The following CUBN variants were observed in gnomAD, a reference collection of about 807,000 sequenced individuals.
The protein encoded by CUBN is 460 kDa receptor.
Under a neutral mutation model 405.3 loss-of-function variants are expected in CUBN, and 282 were observed. The ratio of observed to expected loss-of-function variants is 0.70; its 90% CI spans 0.63 to 0.77. CUBN has a LOEUF of 0.77. CUBN is among the 30% of genes least tolerant of loss of function. CUBN has a pLI of 0.00. For missense variants in CUBN, 4,514 were observed against 4,475.2 expected, an observed-to-expected ratio of 1.01 and a Z score of -0.25; for synonymous variants, 1,684 against 1,617.0, an observed-to-expected ratio of 1.04 and a Z score of -0.99.
chr10:16,850,590 G>A (rs2131336477), intron 60 of CUBN, among the ~76,000 whole-genome samples: 1 of 152,264 alleles, frequency 6.6e-6, no homozygotes, highest in Non-Finnish European at 1.5e-5. Flanking sequence ...TCCTGCCTCA[G>A]CCTCTGGAGC....
chr10:17,105,677 A>C, intron 10 of CUBN, 102 bp from the exon 11 acceptor site: 1 of 724,302 alleles, frequency 1.4e-6, no homozygotes, highest in Admixed American at 2.0e-5. Context: ...ATCCACCAAC[A>C]TCCAGTCTGT....
chr10:17,054,609 T>C (rs564754026), intron 22 of CUBN, among the ~76,000 whole-genome samples: 2 of 151,892 alleles, frequency 1.3e-5, no homozygotes, highest in South Asian at 2.1e-4. Flanking sequence ...AAAACACAAA[T>C]TACCATTTTC....
intron 22 of CUBN, among the ~76,000 whole-genome samples, chr10:17,060,485 A>T (rs1461455419): frequency 1.3e-5 from 2 of 152,216 alleles, no homozygotes; most frequent in Admixed American, 6.5e-5. Context: ...GGGAACTCAG[A>T]ATATCATGAT....
At chr10:17,095,677 T>C (rs1035659558) in intron 14 of CUBN, among the ~76,000 whole-genome samples, 2 of 151,978 alleles carry the variant, frequency 1.3e-5, no homozygotes, top group African/African-American at 4.8e-5. Context: ...TTTAAAACAA[T>C]ATGGAGGTTC....
intron 28 of CUBN, among the ~76,000 whole-genome samples, chr10:16,997,385 A>T (rs1018280437): frequency 4.0e-5 from 6 of 150,750 alleles, no homozygotes; most frequent in Admixed American, 3.3e-4. Flanking sequence ...CAGTGAGCTG[A>T]GATCACACCA....
intron 40 of CUBN, among the ~76,000 whole-genome samples, chr10:16,931,188 C>T (rs1436984784): frequency 1.3e-5 from 2 of 151,148 alleles, no homozygotes; most frequent in East Asian, 3.9e-4. Flanking sequence ...GGCATGAACC[C>T]GGGAGGCAGA....
intron 14 of CUBN, among the ~76,000 whole-genome samples, chr10:17,089,868 T>C (rs1836213718): frequency 6.6e-6 from 1 of 152,144 alleles, no homozygotes; most frequent in South Asian, 2.1e-4. Context: ...CTCATGCTTG[T>C]AGTCCCAGCA....
chr10:17,041,323 G>A, intron 26 of CUBN, 103 bp from the exon 27 acceptor site: 1 of 870,056 alleles, frequency 1.1e-6, no homozygotes, highest in South Asian at 1.4e-5. Context: ...ATCTGTGTAT[G>A]TACACACACA....
At chr10:17,108,025 T>C (rs540997025) in intron 10 of CUBN, among the ~76,000 whole-genome samples, 3 of 152,270 alleles carry the variant, frequency 2.0e-5, no homozygotes, top group Admixed American at 6.5e-5. Flanking sequence ...AACTTACAGG[T>C]TGCAGTAAAG....
chr10:16,907,441 G>T, intron 49 of CUBN, 67 bp downstream of exon 49: 1 of 1,498,768 alleles, frequency 6.7e-7, no homozygotes, highest in Non-Finnish European at 9.3e-7. Flanking sequence ...GCTGCCATTG[G>T]CAGTAGATGG....
intron 27 of CUBN, among the ~76,000 whole-genome samples, chr10:17,034,428 T>G (rs1834850952): frequency 2.0e-5 from 3 of 152,070 alleles, no homozygotes; most frequent in Admixed American, 6.5e-5. Flanking sequence ...CAGGCAAATG[T>G]ATGTTAACAA....
At chr10:17,018,077 C>A (rs1176443680) in intron 28 of CUBN, among the ~76,000 whole-genome samples, 1 of 152,100 alleles carries the variant, frequency 6.6e-6, no homozygotes, top group African/African-American at 2.4e-5. Flanking sequence ...TCCAGGCCAA[C>A]CAACGCTCCC....
At chr10:16,858,931 A>C (rs1419589882) in intron 59 of CUBN, among the ~76,000 whole-genome samples, 1 of 152,232 alleles carries the variant, frequency 6.6e-6, no homozygotes, top group Non-Finnish European at 1.5e-5. Context: ...GAGGCAAAAA[A>C]CTGACTTCCA....
In CUBN at chr10:17,102,526, A is replaced by G. The variant is rs762401270; in HGVS notation, c.1530+599T>C. On this transcript the variant is annotated intron_variant, in intron 13 of 66. Transcript: ENST00000377833. ...GGTCTTGAATTCCTGACCTCAGGCAATGTGCCCGCCTCAGCCTCATAAAGT... is the reference window on the plus strand; with the variant it reads ...GGTCTTGAATTCCTGACCTCAGGCAGTGTGCCCGCCTCAGCCTCATAAAGT... Among the ~76,000 whole-genome samples, 15 of 150,196 alleles carry G rather than the reference A, an allele frequency of 1.0e-4. No individual in the cohort carries two copies. The South Asian group carries it at 1.0e-3, about 11-fold the overall frequency.
chr10:17,035,090 A>G (rs1046704808), intron 27 of CUBN, among the ~76,000 whole-genome samples: 2 of 120,244 alleles, frequency 1.7e-5, no homozygotes, highest in African/African-American at 2.5e-5. Flanking sequence ...AAAAAAAAAA[A>G]ATAAACAAAT....
intron 31 of CUBN, among the ~76,000 whole-genome samples, chr10:16,971,119 C>T (rs1184510657): frequency 6.6e-6 from 1 of 152,150 alleles, no homozygotes; most frequent in Non-Finnish European, 1.5e-5. Context: ...CTCCTGAACC[C>T]CAACATTATC....
At chr10:16,872,742 T>C (rs1179514215) in intron 58 of CUBN, among the ~76,000 whole-genome samples, 1 of 152,170 alleles carries the variant, frequency 6.6e-6, no homozygotes, top group African/African-American at 2.4e-5. Context: ...ATCCTACACA[T>C]ATGAGAAACA....
At chr10:16,933,409 G>T in intron 39 of CUBN, 125 bp from the exon 40 acceptor site, 1 of 808,702 alleles carries the variant, frequency 1.2e-6, no homozygotes, top group Non-Finnish European at 2.0e-6. Context: ...ATTTCTCAGA[G>T]AAATCAATGA....
At chr10:16,841,120 G>A (rs1018187017) in intron 60 of CUBN, 73 bp from the exon 61 acceptor site, 153 of 1,372,202 alleles carry the variant, frequency 1.1e-4, no homozygotes, top group Middle Eastern at 1.8e-4. Flanking sequence ...AATTGGACGC[G>A]AAGTTGCAAT....
Sources: allele counts gnomAD v4.1 joint callset (sites outside exome capture counted in the v4.1 genomes callset), GRCh38; gene constraint gnomAD v4.1.1; transcripts MANE v1.5; gene names NCBI Gene and HGNC (gene_info 2026-07-23, HGNC 2026-07-21).